The following GRID2 variants were observed in gnomAD, a reference collection of about 807,000 sequenced individuals.
The protein encoded by GRID2 is glutamate receptor ionotropic, delta-2.
A neutral mutation model predicts 114.8 loss-of-function variants in GRID2; 33 were observed. The ratio of observed to expected loss-of-function variants is 0.29; its 90% CI spans 0.22 to 0.38. The LOEUF is 0.38. GRID2 is among the 10% of genes least tolerant of loss of function. The pLI is 1.00. For synonymous variants in GRID2, 505 were observed against 449.9 expected, an observed-to-expected ratio of 1.12 and a Z score of -1.55; for missense variants, 1,184 against 1,257.7, an observed-to-expected ratio of 0.94 and a Z score of 0.89.
intron 11 of GRID2, among the ~76,000 whole-genome samples, chr4:93,488,107 T>C (rs1335616025): frequency 6.6e-6 from 1 of 151,978 alleles, no homozygotes; most frequent in African/African-American, 2.4e-5. Context: ...GCATTTTCAT[T>C]CATAAATTTA....
chr4:93,734,547 A>G (rs1010819457), intron 14 of GRID2, among the ~76,000 whole-genome samples: 3 of 152,030 alleles, frequency 2.0e-5, no homozygotes, highest in South Asian at 2.1e-4. Context: ...TAAAAATAAA[A>G]TGAGTGTCTG....
At chr4:92,476,498 A>G (rs977343508) in intron 1 of GRID2, among the ~76,000 whole-genome samples, 11 of 152,224 alleles carry the variant, frequency 7.2e-5, no homozygotes, top group African/African-American at 2.7e-4. Flanking sequence ...TACAGATATT[A>G]AAATTGAATG....
chr4:92,785,399 A>C (rs564616164), intron 2 of GRID2, among the ~76,000 whole-genome samples: 1 of 151,322 alleles, frequency 6.6e-6, no homozygotes, highest in African/African-American at 2.4e-5. Context: ...AATATATATT[A>C]AATATTGTTT....
chr4:93,198,177 G>A (rs1021410266), intron 4 of GRID2, among the ~76,000 whole-genome samples: 1 of 152,104 alleles, frequency 6.6e-6, no homozygotes, highest in Non-Finnish European at 1.5e-5. Context: ...TCACTGTAAA[G>A]GGATAGACCA....
At position 92,468,083 on chromosome 4, in the gene GRID2, C is replaced by T. The variant is rs565053024; in HGVS notation, c.89-122048C>T. On this transcript the variant is annotated intron_variant, in intron 1 of 15. Transcript: ENST00000282020. Reference sequence around the variant, plus strand: ...ACTTTTTTCCATACTAAGAGGGATGCTATCTCATCCACCCAACATGAATGG... The same window carrying T: ...ACTTTTTTCCATACTAAGAGGGATGTTATCTCATCCACCCAACATGAATGG... Among the ~76,000 whole-genome samples the T allele has an allele frequency of 7.2e-5, 11 of 152,042 alleles. No homozygotes were observed. The East Asian group carries it at 1.5e-3, about 21-fold the overall frequency.
At chr4:92,833,408 C>T (rs1469993263) in intron 2 of GRID2, among the ~76,000 whole-genome samples, 1 of 152,152 alleles carries the variant, frequency 6.6e-6, no homozygotes, top group Non-Finnish European at 1.5e-5. Flanking sequence ...GTTCTTTCAT[C>T]CAGTCATAAC....
intron 1 of GRID2, among the ~76,000 whole-genome samples, chr4:92,323,820 A>G (rs1726454219): frequency 6.6e-6 from 1 of 151,892 alleles, no homozygotes; most frequent in Admixed American, 6.6e-5. Flanking sequence ...AGAGCCTAGG[A>G]CCCTCTTTTG....
At chr4:92,605,492 T>A (rs1729412841) in intron 2 of GRID2, among the ~76,000 whole-genome samples, 1 of 151,980 alleles carries the variant, frequency 6.6e-6, no homozygotes, top group Admixed American at 6.6e-5. Context: ...TGGAAACAAG[T>A]GACATAAAAT....
At chr4:92,741,116 G>A (rs1736875396) in intron 2 of GRID2, among the ~76,000 whole-genome samples, 2 of 152,058 alleles carry the variant, frequency 1.3e-5, no homozygotes, top group South Asian at 4.2e-4. Flanking sequence ...TTCTGGTTAG[G>A]ACACCTAAGT....
chr4:93,645,894 C>A (rs1174168295), intron 14 of GRID2, among the ~76,000 whole-genome samples: 5 of 152,092 alleles, frequency 3.3e-5, no homozygotes, highest in Admixed American at 6.5e-5. Context: ...TTTTCATCTT[C>A]CATAATAAAG....
chr4:92,887,699 T>G (rs923813870), intron 2 of GRID2, among the ~76,000 whole-genome samples: 3 of 152,198 alleles, frequency 2.0e-5, no homozygotes, highest in Non-Finnish European at 4.4e-5. Flanking sequence ...TTAATCAGAT[T>G]TCGCCTGTGT....
At chr4:92,530,916 G>C (rs1402981428) in intron 1 of GRID2, among the ~76,000 whole-genome samples, 2 of 151,488 alleles carry the variant, frequency 1.3e-5, no homozygotes, top group Non-Finnish European at 2.9e-5. Context: ...TGGCGGGGGG[G>C]GAGAAAGAGG....
At chr4:93,252,399 G>A (rs2149533454) in intron 8 of GRID2, among the ~76,000 whole-genome samples, 1 of 128,778 alleles carries the variant, frequency 7.8e-6, no homozygotes, top group South Asian at 2.4e-4. Context: ...CTTATTTCTA[G>A]GTTCTCTATT....
chr4:92,688,178 T>G (rs1579845477), intron 2 of GRID2, among the ~76,000 whole-genome samples: 1 of 150,392 alleles, frequency 6.6e-6, no homozygotes, highest in Non-Finnish European at 1.5e-5. Context: ...GCCTCCTGAG[T>G]AGCTGAGATG....
chr4:93,019,893 TAAAA>T (rs942030029), intron 2 of GRID2, among the ~76,000 whole-genome samples: 1 of 152,070 alleles, frequency 6.6e-6, no homozygotes, highest in South Asian at 2.1e-4. Flanking sequence ...AATTACAAAT[TAAAA>T]AAACTTTTAA....
rs1410151128 is a variant in GRID2 at position 93,357,994 on chromosome 4, A to T, written c.1246-37613A>T. On this transcript the variant is annotated intron_variant, in intron 8 of 15. Coordinates refer to ENST00000282020, the MANE Select transcript of GRID2 (RefSeq NM_001510.4). ...AATCCAATATATTTTTCTTTTTCAA[A>T]ATATTATTATTCTTTTTTATTTTAA... Among the ~76,000 whole-genome samples the T allele has an allele frequency of 5.3e-5, 8 of 151,856 alleles. No individual in the cohort carries two copies. In the East Asian group the frequency reaches 1.5e-3, roughly 29 times the overall value.
intron 1 of GRID2, among the ~76,000 whole-genome samples, chr4:92,501,334 T>G (rs899334677): frequency 6.6e-6 from 1 of 152,144 alleles, no homozygotes; most frequent in Non-Finnish European, 1.5e-5. Context: ...AATTCCACAT[T>G]CGTTGAACAC....
rs187364475 is a variant in GRID2, at chr4:93,029,477, C to G, written c.245-55518C>G. 5.9e-5 allele frequency among the ~76,000 whole-genome samples: 9 copies of G among 152,142 alleles called. No individual in the cohort carries two copies. The East Asian group carries it at 1.7e-3, about 29-fold the overall frequency. On this transcript the variant is annotated intron_variant, in intron 2 of 15. Coordinates refer to ENST00000282020, the MANE Select transcript of GRID2 (RefSeq NM_001510.4). The stretch of plus-strand genomic sequence containing the variant: ...GATATAGCAGTATTACATTGTAACA[C>G]TACATGTAATTGTGATTTTGGTAAT...
Position 93,617,174 on chromosome 4 carries a change from T to A in GRID2, c.2194-9095T>A, listed in dbSNP as rs113856264. Among the ~76,000 whole-genome samples the A allele has an allele frequency of 2.9e-3, 437 of 152,296 alleles. 2 individuals are homozygous for A. Among genetic ancestry groups the A allele is most frequent in the African/African-American group, 9.6e-3 (401 of 41,564 alleles). ...CTATAGAGTAAGAGGCCAACACGTC[T>A]GTTAGCAAAATTTTGTCCTTTTGTT... On this transcript the variant is annotated intron_variant, in intron 13 of 15. Transcript: ENST00000282020.
Sources: allele counts gnomAD v4.1 joint callset (sites outside exome capture counted in the v4.1 genomes callset), GRCh38; gene constraint gnomAD v4.1.1; transcripts MANE v1.5; gene names NCBI Gene and HGNC (gene_info 2026-07-23, HGNC 2026-07-21).